Variants in MACF1 observed in about 807,000 individuals in gnomAD.
The protein encoded by MACF1 is microtubule-actin cross-linking factor 1.
Under a neutral mutation model 854.8 loss-of-function variants are expected in MACF1, and 193 were observed. That is an observed-to-expected ratio of 0.23 (90% CI 0.20 to 0.25). The LOEUF is 0.25. MACF1 is among the 10% of genes least tolerant of loss of function. The pLI is 1.00. For synonymous variants in MACF1, 3,185 were observed against 3,226.7 expected (o/e 0.99, Z 0.44); for missense variants, 7,722 against 8,929.1 (o/e 0.86, Z 5.45).
At position 39,428,117 on chromosome 1, in the gene MACF1, T is replaced by C; in HGVS notation, c.16633T>C (p.Cys5545Arg). The C allele has an allele frequency of 6.2e-7, 1 of 1,614,174 alleles. No homozygotes were observed. Among genetic ancestry groups the C allele is most frequent in the African/African-American group, 1.3e-5 (1 of 75,022 alleles). Reference sequence around the variant, plus strand: ...CCGATACAGTGAAATTCAAGACCGCTGTTGTCGGAAGGCAGCCCTACTTGA... The same window carrying C: ...CCGATACAGTGAAATTCAAGACCGCCGTTGTCGGAAGGCAGCCCTACTTGA... ...QARYSEIQDR[C>R]CRKAALLDQA... The change falls in exon 63 of 101, where the codon TGT (cysteine) becomes CGT (arginine). Residue 5545 changes from cysteine to arginine, a missense_variant. Physicochemically the swap from Cys to Arg is radical, Grantham distance 180. Transcript: ENST00000564288.
chr1:39,310,251 T>A lies in MACF1; in HGVS notation c.2923T>A (p.Ser975Thr). 6.2e-7 allele frequency: 1 copy of A among 1,606,886 alleles called. No homozygotes were observed. Among genetic ancestry groups the A allele is most frequent in the African/African-American group, 1.3e-5 (1 of 74,622 alleles). Residue 975 changes from serine to threonine, a missense_variant, in exon 25 of 101, where the codon TCC becomes ACC. Coordinates refer to ENST00000564288, the MANE Select transcript of MACF1 (RefSeq NM_001394062.1). ...VQTWNLEKLR[S>T]SAPGECHQIM... ...TCTGGCTTTTTCTTTCTAGCTTCGA[T>A]CCTCAGCACCAGGGGAGTGCCATCA...
At chr1:39,473,119 G>A (rs537571231) in intron 97 of MACF1, among the ~76,000 whole-genome samples, 8 of 152,236 alleles carry the variant, frequency 5.3e-5, no homozygotes, top group East Asian at 3.9e-4. Context: ...TATTTGTTTC[G>A]TTATGACGTG....
Position 39,379,272 on chromosome 1 carries a change from A to G in MACF1, c.13346A>G (p.His4449Arg), listed in dbSNP as rs774796604. Residue 4449 changes from histidine (H) to arginine (R), a missense_variant, in exon 54 of 101, where the codon CAT becomes CGT. Transcript: ENST00000564288. ...TATGAGAAACTAGGGGGAGTACTTC[A>G]TGAACGCCAGGAAAGCCTTCAGGCT... ...LKYEKLGGVL[H>R]ERQESLQAIL... 6.8e-6 allele frequency: 11 copies of G among 1,613,416 alleles called. No individual in the cohort carries two copies. The East Asian group carries it at 1.8e-4, about 26-fold the overall frequency.
At chr1:39,231,745 A>C (rs1329914702) in intron 2 of MACF1, among the ~76,000 whole-genome samples, 1 of 151,540 alleles carries the variant, frequency 6.6e-6, no homozygotes, top group Non-Finnish European at 1.5e-5. Context: ...GGGTCTCACT[A>C]TGTTGCCCAC....
At chr1:39,144,347 C>T (rs912440960) in intron 2 of MACF1, among the ~76,000 whole-genome samples, 2 of 152,090 alleles carry the variant, frequency 1.3e-5, no homozygotes, top group South Asian at 2.1e-4. Flanking sequence ...TCCCAAAGTG[C>T]TGGGATTATA....
intron 70 of MACF1, among the ~76,000 whole-genome samples, chr1:39,437,343 C>T: frequency 6.8e-6 from 1 of 148,016 alleles, no homozygotes; most frequent in Non-Finnish European, 1.5e-5. Context: ...CAAAGTCTTA[C>T]TCTGTCGCCC....
chr1:39,342,719 CA>C (rs2148487056), intron 40 of MACF1, among the ~76,000 whole-genome samples: 1 of 152,020 alleles, frequency 6.6e-6, no homozygotes, highest in Admixed American at 6.6e-5. Context: ...GGGGTTTCAC[CA>C]TGTTGCGTAG....
chr1:39,358,424 T>C (rs752850684), intron 45 of MACF1, among the ~76,000 whole-genome samples: 11 of 152,222 alleles, frequency 7.2e-5, no homozygotes, highest in Non-Finnish European at 1.3e-4. Flanking sequence ...CCTACCTTTG[T>C]CTGCAACCTT....
At chr1:39,371,894 A>G (rs1569764139) in intron 51 of MACF1, among the ~76,000 whole-genome samples, 1 of 150,744 alleles carries the variant, frequency 6.6e-6, no homozygotes, top group Admixed American at 6.6e-5. Context: ...GCTCACTGCA[A>G]CCTCTGCCTC....
At chr1:39,468,842 A>G (rs1644720493) in intron 96 of MACF1, 110 bp downstream of exon 96, 2 of 995,084 alleles carry the variant, frequency 2.0e-6, no homozygotes, top group Non-Finnish European at 3.1e-6. Flanking sequence ...TTATTTTGTT[A>G]AGCTGCCCAG....
Position 39,084,440 on chromosome 1 carries a change from T to A in MACF1, c.220+2T>A. On this transcript the variant is annotated splice_donor_variant, in intron 2 of 93. Coordinates refer to the MACF1 transcript ENST00000361689. LOFTEE classifies it high-confidence loss of function. This position sits in a 1 kb window ranked among gnomAD's most constrained non-coding sequence, Gnocchi z 5.2. Reference sequence around the variant, plus strand: ...AGCGTGCTGTGGTCAGAGTCGCTGGTAAGAGAGGTCCCCCAGCAGGCTGGA... The same window carrying A: ...AGCGTGCTGTGGTCAGAGTCGCTGGAAAGAGAGGTCCCCCAGCAGGCTGGA... 6.2e-7 allele frequency: 1 copy of A among 1,605,782 alleles called. No homozygotes were observed.
intron 95 of MACF1, among the ~76,000 whole-genome samples, chr1:39,466,123 C>A (rs556137041): frequency 6.6e-6 from 1 of 152,320 alleles, no homozygotes; most frequent in South Asian, 2.1e-4. Flanking sequence ...TCAAAGATCA[C>A]ATGCCTACTC....
Position 39,184,297 on chromosome 1 carries a change from A to G in MACF1, c.221-46885A>G, listed in dbSNP as rs533955081. Among the ~76,000 whole-genome samples the G allele has an allele frequency of 2.0e-5, 3 of 152,214 alleles. No individual in the cohort carries two copies. The South Asian group carries it at 6.2e-4, about 32-fold the overall frequency. On this transcript the variant is annotated intron_variant, in intron 2 of 93. Coordinates refer to the MACF1 transcript ENST00000361689. ...TGTGGGTTCCTGCACTGTGTGCCTC[A>G]GTTCTATAGCTAGCAGGGTCTGTGT...
Position 39,387,074 on chromosome 1 carries a change from C to T in MACF1, c.14345-113C>T, listed in dbSNP as rs1235886493. Reference sequence around the variant, plus strand: ...TAATTATATGCCTCTTTTTGGTAGGCCCTCAAGTAACATTAGTTCCCTTCC... The same window carrying T: ...TAATTATATGCCTCTTTTTGGTAGGTCCTCAAGTAACATTAGTTCCCTTCC... On this transcript the variant is annotated intron_variant, in intron 57 of 100. Coordinates refer to ENST00000564288, the MANE Select transcript of MACF1 (RefSeq NM_001394062.1). 1.1e-5 allele frequency: 13 copies of T among 1,147,548 alleles called. No homozygotes were observed. In the East Asian group the frequency reaches 2.8e-4, roughly 25 times the overall value. The allele number at this position is 1,147,548 out of a possible 1,614,324, so 71.1% of individuals were successfully genotyped here. A position where few individuals can be genotyped will look rare whatever the true frequency, so the allele number is the denominator to read the frequency against.
Position 39,461,835 on chromosome 1 carries a change from G to A in MACF1, c.21524-48G>A, listed in dbSNP as rs783820. The A allele has an allele frequency of 0.96, 1,184,986 of 1,237,216 alleles. 567,189 individuals are homozygous for A. Among genetic ancestry groups the A allele is most frequent in the East Asian group, 1 (38,847 of 38,860 alleles). The allele number at this position is 1,237,216 out of a possible 1,614,324, so 76.6% of individuals were successfully genotyped here. A position where few individuals can be genotyped will look rare whatever the true frequency, so the allele number is the denominator to read the frequency against. On this transcript the variant is annotated intron_variant, in intron 92 of 100. Coordinates refer to ENST00000564288, the MANE Select transcript of MACF1 (RefSeq NM_001394062.1). ...AAAAAAAAATCTATAACCGCCAACC[G>A]AACAAGTACCCCTCTTAATGTTTCA... is the stretch of plus-strand genomic sequence containing the variant.
intron 70 of MACF1, chr1:39,436,124 G>A (rs1643968884): frequency 2.5e-6 from 1 of 398,404 alleles, no homozygotes; most frequent in African/African-American, 2.1e-5. Flanking sequence ...TTGCTTTAGA[G>A]CAACAGCACA....
intron 2 of MACF1, among the ~76,000 whole-genome samples, chr1:39,240,951 A>G (rs898410533): frequency 2.0e-5 from 3 of 148,746 alleles, no homozygotes; most frequent in Non-Finnish European, 4.5e-5. Context: ...TTCCCCTCCC[A>G]CCCCCGCTCT....
intron 2 of MACF1, among the ~76,000 whole-genome samples, chr1:39,158,542 T>C (rs768600816): frequency 9.2e-5 from 14 of 152,224 alleles, no homozygotes; most frequent in Non-Finnish European, 1.6e-4. Context: ...AAAGATTTTG[T>C]TCTCAAATGT....
At chr1:39,259,851 C>G (rs2148344590) in intron 6 of MACF1, among the ~76,000 whole-genome samples, 1 of 152,194 alleles carries the variant, frequency 6.6e-6, no homozygotes, top group South Asian at 2.1e-4. Context: ...CTTCCAACCT[C>G]AGGTGATCCA....
Sources: gnomAD v4.1 joint callset for allele counts (sites outside exome capture counted in the v4.1 genomes callset) on GRCh38, gnomAD v4.1.1 for gene constraint, Gnocchi (gnomAD v3.1) non-coding constraint, MANE v1.5 for transcripts, NCBI Gene and HGNC (gene_info 2026-07-23, HGNC 2026-07-21) for gene names.